The following SCUBE1 variants were observed in gnomAD, a reference collection of about 807,000 sequenced individuals.
SCUBE1 encodes signal peptide, CUB domain and EGF like domain containing 1.
A neutral mutation model predicts 124.4 loss-of-function variants in SCUBE1; 59 were observed. The observed-to-expected ratio is 0.47, with a 90% CI of 0.38 to 0.59. SCUBE1 has a LOEUF of 0.59. SCUBE1 is among the 20% of genes least tolerant of loss of function. The pLI, the probability that SCUBE1 is intolerant of heterozygous loss-of-function variation, is 0.00. For missense variants in SCUBE1, 1,150 were observed against 1,371.2 expected (o/e 0.84, Z 2.55); for synonymous variants, 545 against 550.9 (o/e 0.99, Z 0.15).
Position 43,223,190 on chromosome 22 carries a change from T to C in SCUBE1, c.1234A>G (p.Lys412Glu), listed in dbSNP as rs140035600. Residue 412 changes from lysine to glutamate, a missense_variant, in exon 11 of 22, where the codon AAG becomes GAG. This residue lies in a region of SCUBE1 where 757 missense variants were observed against 840.9 expected (regional missense o/e 0.90). Coordinates refer to ENST00000360835, the MANE Select transcript of SCUBE1 (RefSeq NM_173050.5). ...GACAGCTGGGCCCGGGGGGAGGTCTTGGCGCGAGAAAGACACTTGCCTGTC... is the reference window on the plus strand; with the variant it reads ...GACAGCTGGGCCCGGGGGGAGGTCTCGGCGCGAGAAAGACACTTGCCTGTC... Reference protein sequence around the residue: ...VETGKCLSRAKTSPRAQLSCS... With the variant: ...VETGKCLSRAETSPRAQLSCS... 6 of 1,573,578 alleles carry C rather than the reference T, an allele frequency of 3.8e-6. No individual in the cohort carries two copies. Among genetic ancestry groups the C allele is most frequent in the Non-Finnish European group, 5.1e-6 (6 of 1,168,150 alleles).
intron 4 of SCUBE1, among the ~76,000 whole-genome samples, chr22:43,288,509 G>A (rs1012209966): frequency 7.9e-5 from 12 of 152,120 alleles, no homozygotes; most frequent in Non-Finnish European, 1.6e-4. Context: ...CTCCCGCTTC[G>A]TGCTCTCTGC....
intron 6 of SCUBE1, among the ~76,000 whole-genome samples, chr22:43,245,844 G>A (rs1923189054): frequency 6.6e-6 from 1 of 152,252 alleles, no homozygotes; most frequent in Non-Finnish European, 1.5e-5. Flanking sequence ...CAGTGGCACT[G>A]TCTTCCAAGG....
At chr22:43,204,647 A>G (rs529175515) in intron 21 of SCUBE1, among the ~76,000 whole-genome samples, 26 of 152,018 alleles carry the variant, frequency 1.7e-4, no homozygotes, top group Middle Eastern at 6.8e-3. Context: ...TGGGATTCCA[A>G]TAAGATTTTA....
intron 15 of SCUBE1, among the ~76,000 whole-genome samples, chr22:43,215,236 G>A (rs560836962): frequency 1.3e-5 from 2 of 152,342 alleles, no homozygotes; most frequent in Non-Finnish European, 2.9e-5. Context: ...ACAGACCCAA[G>A]AGCCAGCTTG....
At chr22:43,301,853 C>T (rs1237463309) in intron 3 of SCUBE1, among the ~76,000 whole-genome samples, 4 of 152,322 alleles carry the variant, frequency 2.6e-5, no homozygotes, top group South Asian at 2.1e-4. Context: ...GGGTGGGGAA[C>T]GGCGCTTCTG....
At chr22:43,236,613 A>C (rs1255395535) in intron 7 of SCUBE1, among the ~76,000 whole-genome samples, 1 of 152,110 alleles carries the variant, frequency 6.6e-6, no homozygotes, top group African/African-American at 2.4e-5. Context: ...CGTCCTTCCC[A>C]GTCCCAGGTC....
At chr22:43,218,498 C>G (rs745715507) in intron 14 of SCUBE1, 40 bp from the exon 15 acceptor site, 3 of 1,591,544 alleles carry the variant, frequency 1.9e-6, no homozygotes, top group Non-Finnish European at 2.6e-6. Flanking sequence ...TCGCTGGCAA[C>G]CTTGCTAGCC....
rs1366332336 is a variant in SCUBE1, at chr22:43,258,571, T to C, written c.611-236A>G. Among the ~76,000 whole-genome samples the C allele has an allele frequency of 6.6e-6, 1 of 151,988 alleles. No homozygotes were observed. The highest frequency in any genetic ancestry group is 1.5e-5 in the Non-Finnish European group (1 of 67,962). ...GAACGGGGGTGGGACAGAATGGACT[T>C]GGGGTCGTCTGGGCTTTGATCAGAG... On this transcript the variant is annotated intron_variant, in intron 5 of 21. Transcript: ENST00000360835. This position sits in a 1 kb window ranked among gnomAD's most constrained non-coding sequence, Gnocchi z 5.0.
intron 7 of SCUBE1, among the ~76,000 whole-genome samples, chr22:43,233,246 C>T (rs549355122): frequency 1.3e-3 from 194 of 152,308 alleles, no homozygotes; most frequent in Non-Finnish European, 1.4e-3. Context: ...TGCCTGTAAT[C>T]CCAGCTACCC....
At chr22:43,238,978 C>T (rs1464355108) in intron 6 of SCUBE1, 24 bp from the exon 7 acceptor site, 10 of 1,578,366 alleles carry the variant, frequency 6.3e-6, no homozygotes, top group Admixed American at 1.7e-5. Flanking sequence ...GAGACAGAGA[C>T]CTCAGTTTCC....
At chr22:43,284,695 T>A (rs1174144522) in intron 4 of SCUBE1, among the ~76,000 whole-genome samples, 2 of 152,212 alleles carry the variant, frequency 1.3e-5, no homozygotes, top group Non-Finnish European at 1.5e-5. Flanking sequence ...GCATGGAAAG[T>A]GCCTGGTAGC....
In SCUBE1 at chr22:43,319,829, C is replaced by T. The variant is rs1926481805; in HGVS notation, c.349+108G>A. ...TTATGACAACCCTGGCAAACTAATA[C>T]AGGAAGCCAAAGGAAGGAGAACCTT... On this transcript the variant is annotated intron_variant, in intron 3 of 21. Transcript: ENST00000360835. 7.2e-6 allele frequency: 10 copies of T among 1,393,704 alleles called. No homozygotes were observed. In the South Asian group the frequency reaches 1.4e-4, roughly 20 times the overall value. 86.3% of individuals were successfully genotyped at this position (1,393,704 alleles called of 1,614,324 possible). A position where few individuals can be genotyped will look rare whatever the true frequency, so the allele number is the denominator to read the frequency against.
chr22:43,303,620 C>T (rs5996308), intron 3 of SCUBE1, among the ~76,000 whole-genome samples: 6,232 of 152,324 alleles, frequency 0.041, 331 homozygotes, highest in African/African-American at 0.13. Flanking sequence ...CTGGCACGCT[C>T]GCAGGCCTCC....
At chr22:43,320,141 G>C in intron 2 of SCUBE1, 76 bp from the exon 3 acceptor site, 1 of 1,565,458 alleles carries the variant, frequency 6.4e-7, no homozygotes, top group Non-Finnish European at 8.7e-7. Flanking sequence ...GGAAGCCACC[G>C]GGATCTGAGT....
chr22:43,224,253 G>C (rs1241743307), intron 10 of SCUBE1, among the ~76,000 whole-genome samples: 1 of 152,110 alleles, frequency 6.6e-6, no homozygotes, highest in Non-Finnish European at 1.5e-5. Flanking sequence ...TTTCTGCGAG[G>C]GCACCGTGTG....
chr22:43,222,360 A>T (rs1209122436), intron 12 of SCUBE1, among the ~76,000 whole-genome samples: 1 of 152,164 alleles, frequency 6.6e-6, no homozygotes, highest in Non-Finnish European at 1.5e-5. Context: ...AGATCTGTGC[A>T]CTCACAGCAC....
In SCUBE1 at chr22:43,227,426, C is replaced by T. The variant is rs147702562; in HGVS notation, c.1155G>A (p.Glu385=). Residue 385 remains glutamate, a synonymous_variant, in exon 10 of 22, where the codon GAG becomes GAA. Coordinates refer to ENST00000360835, the MANE Select transcript of SCUBE1 (RefSeq NM_173050.5). ...GCCGCCTCCCCGGGGGACAGACGCA[C>T]TCGTAGCTGCCCTTGGTGTTGACGC... ...QGCVNTKGSY[E]CVCPPGRRLH... The T allele has an allele frequency of 3.9e-5, 63 of 1,613,022 alleles. No individual in the cohort carries two copies. Among genetic ancestry groups the T allele is most frequent in the Non-Finnish European group, 5.2e-5 (61 of 1,179,892 alleles).
chr22:43,261,099 G>A (rs569753177), intron 5 of SCUBE1, among the ~76,000 whole-genome samples: 3 of 152,364 alleles, frequency 2.0e-5, no homozygotes, highest in East Asian at 3.9e-4. Context: ...CCCTGCTGAC[G>A]CCATGCATTT....
chr22:43,315,752 C>CGGGGGGGGGG (rs1601884711), intron 3 of SCUBE1, among the ~76,000 whole-genome samples: 1 of 27,770 alleles, frequency 3.6e-5, no homozygotes, highest in Non-Finnish European at 7.5e-5. Context: ...GGTGGTGGGG[C>CGGGGGGGGGG]GGGGGAGGGG....
Sources: allele counts gnomAD v4.1 joint callset (sites outside exome capture counted in the v4.1 genomes callset), GRCh38; gene constraint gnomAD v4.1.1; regional missense constraint gnomAD v4.1.1; non-coding constraint Gnocchi (gnomAD v3.1); transcripts MANE v1.5; gene names NCBI Gene and HGNC (gene_info 2026-07-23, HGNC 2026-07-21).